GRIP2: variants seen among roughly 807,000 people sequenced by gnomAD.
The protein encoded by GRIP2 is glutamate receptor-interacting protein 2.
Under a neutral mutation model 108.3 loss-of-function variants are expected in GRIP2, and 58 were observed. The ratio of observed to expected loss-of-function variants is 0.54; its 90% CI spans 0.43 to 0.67. GRIP2 has a LOEUF of 0.67. GRIP2 is among the 30% of genes least tolerant of loss of function. GRIP2 has a pLI of 0.00. For missense variants in GRIP2, 1,278 were observed against 1,430.6 expected (o/e 0.89, Z 1.72); for synonymous variants, 586 against 598.2 (o/e 0.98, Z 0.30).
In GRIP2 at chr3:14,499,379, C is replaced by T. The variant is rs1401220429; in HGVS notation, c.2680-2819G>A. 6.1e-5 allele frequency among the ~76,000 whole-genome samples: 4 copies of T among 65,122 alleles called. No homozygotes were observed. The East Asian group carries it at 4.2e-3, about 69-fold the overall frequency. 42.7% of individuals were successfully genotyped at this position (65,122 alleles called of 152,430 possible). ...CCACCTGCCCACAGACAAAACAAGT[C>T]GGCGAATCCATACTCAGGGAACTAA... On this transcript the variant is annotated intron_variant, in intron 21 of 23. Coordinates refer to ENST00000621039, the MANE Select transcript of GRIP2 (RefSeq NM_001080423.4).
At chr3:14,571,902 T>G in the GRIP2 span, among the ~76,000 whole-genome samples, 2 of 152,220 alleles carry the variant, frequency 1.3e-5, no homozygotes, top group African/African-American at 2.4e-5. Context: ...AGTCTGACAG[T>G]ACCAAGCATT....
In GRIP2 at chr3:14,493,772, C is replaced by A. The variant is rs777582626; in HGVS notation, c.3025G>T (p.Ala1009Ser). 1.2e-6 allele frequency: 2 copies of A among 1,613,122 alleles called. No homozygotes were observed. Among genetic ancestry groups the A allele is most frequent in the Admixed American group, 3.3e-5 (2 of 59,936 alleles). Reference sequence around the variant, plus strand: ...AGCTCCAAGACATCACCCGCCTCGGCCAGGAGTGGCACCGCCAGGCAGCAG... The same window carrying A: ...AGCTCCAAGACATCACCCGCCTCGGACAGGAGTGGCACCGCCAGGCAGCAG... ...FDCCLAVPLL[A>S]EAGDVLELII... The change falls in exon 24 of 24, where the codon GCC becomes TCC. Residue 1009 changes from alanine (A) to serine (S), a missense_variant. Coordinates refer to ENST00000621039, the MANE Select transcript of GRIP2 (RefSeq NM_001080423.4).
At chr3:14,525,719 A>G (rs1694536121) in intron 2 of GRIP2, 132 bp downstream of exon 2, 1 of 1,310,132 alleles carries the variant, frequency 7.6e-7, no homozygotes, top group Non-Finnish European at 1.1e-6. Context: ...TACAGAGGAG[A>G]ATCAGAGAGG....
Position 14,507,104 on chromosome 3 carries a change from T to C in GRIP2, c.2219-124A>G. The C allele has an allele frequency of 2.2e-6, 2 of 916,500 alleles. No individual in the cohort carries two copies. Among genetic ancestry groups the C allele is most frequent in the Non-Finnish European group, 3.3e-6 (2 of 609,484 alleles). 56.8% of individuals were successfully genotyped at this position (916,500 alleles called of 1,614,324 possible). A position where few individuals can be genotyped will look rare whatever the true frequency, so the allele number is the denominator to read the frequency against. On this transcript the variant is annotated intron_variant, in intron 18 of 23. Transcript: ENST00000621039. The surrounding 1 kb of genome is among the most constrained non-coding windows in gnomAD (Gnocchi z 4.6). ...GCCCTTCTGAGCTGACATATGACCATGGCACACTAATAAGCAAACCTGTTT... is the reference window on the plus strand; with the variant it reads ...GCCCTTCTGAGCTGACATATGACCACGGCACACTAATAAGCAAACCTGTTT...
the GRIP2 span, among the ~76,000 whole-genome samples, chr3:14,600,321 CT>C: frequency 2.6e-5 from 4 of 152,186 alleles, no homozygotes; most frequent in African/African-American, 9.7e-5. Flanking sequence ...GGTTCCTGTG[CT>C]AGGATATGTT....
intron 1 of GRIP2, among the ~76,000 whole-genome samples, chr3:14,529,300 AAAG>A (rs1211253899): frequency 0.015 from 1,931 of 127,558 alleles, 23 homozygotes; most frequent in East Asian, 0.042. Flanking sequence ...AAAAAAAAAA[AAAG>A]GAAAAACACT....
intron 1 of GRIP2, among the ~76,000 whole-genome samples, chr3:14,533,228 T>C (rs1005886695): frequency 6.6e-6 from 1 of 152,250 alleles, no homozygotes; most frequent in Admixed American, 6.5e-5. Flanking sequence ...TCAAAAAGAC[T>C]GGGTTCTATC....
chr3:14,495,211 G>T (rs190102855), intron 22 of GRIP2, among the ~76,000 whole-genome samples: 3 of 150,378 alleles, frequency 2.0e-5, no homozygotes, highest in Admixed American at 1.3e-4. Flanking sequence ...ACTCAAGTAC[G>T]ACGGAGCCCT....
At chr3:14,569,999 A>G in the GRIP2 span, among the ~76,000 whole-genome samples, 1 of 152,184 alleles carries the variant, frequency 6.6e-6, no homozygotes, top group African/African-American at 2.4e-5. Flanking sequence ...CGGAGAGGTG[A>G]CATGGCTTGC....
chr3:14,532,409 T>A (rs557508010), intron 1 of GRIP2, among the ~76,000 whole-genome samples: 8 of 151,960 alleles, frequency 5.3e-5, no homozygotes, highest in Non-Finnish European at 1.2e-4. Flanking sequence ...TACGGGAGGT[T>A]TCTCAGCCTT....
At chr3:14,535,483 A>T (rs1694813032) in intron 1 of GRIP2, among the ~76,000 whole-genome samples, 1 of 152,218 alleles carries the variant, frequency 6.6e-6, no homozygotes, top group Admixed American at 6.5e-5. Context: ...TTCCTAGATC[A>T]ATCATGATGA....
the GRIP2 span, among the ~76,000 whole-genome samples, chr3:14,590,376 G>A: frequency 1.3e-5 from 2 of 152,096 alleles, no homozygotes; most frequent in Non-Finnish European, 2.9e-5. Flanking sequence ...TCTGTGTCTT[G>A]TCTTTGAACC....
At chr3:14,574,065 A>T in the GRIP2 span, 6 of 1,498,232 alleles carry the variant, frequency 4.0e-6, no homozygotes, top group Non-Finnish European at 5.6e-6. Flanking sequence ...CACGTACTTG[A>T]CGTTCTCGTA....
rs1694452177 is a variant in GRIP2, at chr3:14,522,894, C to T, written c.566+106G>A. ...GGCAGGGAGTGTTCCCTCAGGGCCT[C>T]GATCTCTTCATCTGGGGAAGGGGCA... On this transcript the variant is annotated intron_variant, in intron 6 of 23. Coordinates refer to ENST00000621039, the MANE Select transcript of GRIP2 (RefSeq NM_001080423.4). This position sits in a 1 kb window ranked among gnomAD's most constrained non-coding sequence, Gnocchi z 4.3. 6.5e-6 allele frequency: 6 copies of T among 928,552 alleles called. No individual in the cohort carries two copies. Among genetic ancestry groups the T allele is most frequent in the South Asian group, 1.3e-5 (1 of 74,920 alleles). 57.5% of individuals were successfully genotyped at this position (928,552 alleles called of 1,614,324 possible). A position where few individuals can be genotyped will look rare whatever the true frequency, so the allele number is the denominator to read the frequency against.
rs1693692365 is a variant in GRIP2, at chr3:14,498,982, G to A, written c.2680-2422C>T. On this transcript the variant is annotated intron_variant, in intron 21 of 23. Coordinates refer to ENST00000621039, the MANE Select transcript of GRIP2 (RefSeq NM_001080423.4). ...GTGCTGTCTCAAAGCAGGAAACTGGGTACCATTCCAGAAAGCGAGTGCCAT... is the reference window on the plus strand; with the variant it reads ...GTGCTGTCTCAAAGCAGGAAACTGGATACCATTCCAGAAAGCGAGTGCCAT... Among the ~76,000 whole-genome samples, 7 of 152,184 alleles carry A rather than the reference G, an allele frequency of 4.6e-5. 1 individual carries two copies. In the South Asian group the frequency reaches 6.2e-4, roughly 14 times the overall value.
the GRIP2 span, among the ~76,000 whole-genome samples, chr3:14,602,978 C>G: frequency 6.8e-6 from 1 of 147,918 alleles, no homozygotes; most frequent in African/African-American, 2.4e-5. The surrounding 1 kb of genome is among the most constrained non-coding windows in gnomAD (Gnocchi z 4.7). Flanking sequence ...CCGCCAGCCC[C>G]GCATCCCCGC....
At chr3:14,509,451 A>T (rs1694021984) in intron 17 of GRIP2, among the ~76,000 whole-genome samples, 1 of 152,246 alleles carries the variant, frequency 6.6e-6, no homozygotes, top group African/African-American at 2.4e-5. Flanking sequence ...AGCCCTAGGC[A>T]GTGCTGGGAC....
rs2125013481 is a variant in GRIP2 at position 14,492,723 on chromosome 3, A to T, written c.*942T>A. ...TTTTCACTGGATGGCAGGTGAATGG[A>T]AGCTCCAGGGTCTTTTGCCCCAAAA... On this transcript the variant is annotated 3_prime_UTR_variant, in exon 24 of 24. Transcript: ENST00000621039. The T allele has an allele frequency of 6.6e-6, 1 of 152,322 alleles. No homozygotes were observed. The highest frequency in any genetic ancestry group is 6.5e-5 in the Admixed American group (1 of 15,298). The allele number at this position is 152,322 out of a possible 1,614,324, so 9.4% of individuals were successfully genotyped here. A position where few individuals can be genotyped will look rare whatever the true frequency, so the allele number is the denominator to read the frequency against.
the GRIP2 span, among the ~76,000 whole-genome samples, chr3:14,598,278 T>G: frequency 6.6e-6 from 1 of 151,160 alleles, no homozygotes; most frequent in Admixed American, 6.6e-5. Flanking sequence ...AAAAGCCGCC[T>G]TATCGTCTTC....
Sources: gnomAD v4.1 joint callset for allele counts (sites outside exome capture counted in the v4.1 genomes callset) on GRCh38, gnomAD v4.1.1 for gene constraint, Gnocchi (gnomAD v3.1) non-coding constraint, MANE v1.5 for transcripts, NCBI Gene and HGNC (gene_info 2026-07-23, HGNC 2026-07-21) for gene names.